SYT1: variants seen among roughly 807,000 people sequenced by gnomAD.
The protein encoded by SYT1 is synaptotagmin-1.
A neutral mutation model predicts 44.8 loss-of-function variants in SYT1; 8 were observed. That is an observed-to-expected ratio of 0.18 (90% CI 0.10 to 0.32). The LOEUF (loss-of-function observed/expected upper bound fraction) is 0.32, where lower values mean the gene tolerates loss of function less well. SYT1 is among the 10% of genes least tolerant of loss of function. The pLI is 1.00. For synonymous variants in SYT1, 154 were observed against 188.8 expected (o/e 0.82, Z 1.51); for missense variants, 286 against 509.3 (o/e 0.56, Z 4.22).
At chr12:79,032,161 G>A (rs1363727305) in intron 2 of SYT1, among the ~76,000 whole-genome samples, 1 of 151,016 alleles carries the variant, frequency 6.6e-6, no homozygotes. Context: ...TTGGGAAAGG[G>A]GACTGATTGT....
chr12:79,179,507 A>C (rs1325390698), intron 3 of SYT1, among the ~76,000 whole-genome samples: 1 of 105,384 alleles, frequency 9.5e-6, no homozygotes, highest in East Asian at 2.6e-4. Context: ...ATAGATATAG[A>C]TATAGATATA....
At chr12:79,036,742 T>A (rs1873160015) in intron 2 of SYT1, among the ~76,000 whole-genome samples, 1 of 151,876 alleles carries the variant, frequency 6.6e-6, no homozygotes, top group African/African-American at 2.4e-5. Flanking sequence ...AATCAGTGCA[T>A]TGATCCTTTA....
intron 10 of SYT1, among the ~76,000 whole-genome samples, chr12:79,446,897 C>T (rs1249248732): frequency 6.6e-6 from 1 of 152,164 alleles, no homozygotes; most frequent in East Asian, 1.9e-4. Flanking sequence ...CACCTCCTGG[C>T]ATTTAATTTT....
chr12:79,242,690 CTT>C (rs1876583520), intron 4 of SYT1, among the ~76,000 whole-genome samples: 1 of 152,178 alleles, frequency 6.6e-6, no homozygotes, highest in Admixed American at 6.5e-5. Flanking sequence ...GGATTCAAAA[CTT>C]AGCCAAAACT....
At position 78,931,243 on chromosome 12, in the gene SYT1, G is replaced by A. The variant is rs1176296301; in HGVS notation, c.-216-46556G>A. 8.9e-3 allele frequency among the ~76,000 whole-genome samples: 264 copies of A among 29,638 alleles called. 8 individuals carry two copies. Among genetic ancestry groups the A allele is most frequent in the African/African-American group, 0.022 (152 of 6,942 alleles). The allele number at this position is 29,638 out of a possible 152,430, so 19.4% of individuals were successfully genotyped here. A position where few individuals can be genotyped will look rare whatever the true frequency, so the allele number is the denominator to read the frequency against. ...AGAAAGAAAGAAAGAAAGAAAGAAG[G>A]AAGGAAGGAAGGAAGGAAGGAAGGA... is the stretch of plus-strand genomic sequence containing the variant. On this transcript the variant is annotated intron_variant, in intron 1 of 10. Coordinates refer to ENST00000261205, the MANE Select transcript of SYT1 (RefSeq NM_005639.3).
rs113167400 is a variant in SYT1, at chr12:79,349,773, T to C, written c.811-3729T>C. On this transcript the variant is annotated intron_variant, in intron 8 of 10. Transcript: ENST00000261205. ...TAGAAAATCTTGGTTTCTAGAACTT[T>C]AGAGTGATAAATAAAATATTTATAT... 3.2e-3 allele frequency among the ~76,000 whole-genome samples: 484 copies of C among 152,252 alleles called. 4 individuals carry two copies. The highest frequency in any genetic ancestry group is 9.8e-3 in the African/African-American group (407 of 41,554).
rs555134168 is a variant in SYT1 at position 79,316,790 on chromosome 12, T to A, written c.810+17239T>A. On this transcript the variant is annotated intron_variant, in intron 8 of 10. Transcript: ENST00000261205. The stretch of plus-strand genomic sequence containing the variant: ...TAAAAAGATGCCTTGTTTACCTGTT[T>A]CGTTGTCTCGATAGGTAGAACATAA... 1.6e-4 allele frequency among the ~76,000 whole-genome samples: 24 copies of A among 152,338 alleles called. 2 individuals are homozygous for A. The Middle Eastern group carries it at 0.014, about 86-fold the overall frequency.
intron 1 of SYT1, among the ~76,000 whole-genome samples, chr12:78,886,178 C>T (rs1874738575): frequency 6.6e-6 from 1 of 151,792 alleles, no homozygotes; most frequent in Non-Finnish European, 1.5e-5. Flanking sequence ...AGGAAAATAG[C>T]AGAAAAATAT....
intron 8 of SYT1, among the ~76,000 whole-genome samples, chr12:79,331,490 T>A (rs1189812019): frequency 6.6e-6 from 1 of 152,182 alleles, no homozygotes; most frequent in Non-Finnish European, 1.5e-5. Context: ...GTTGAAAGAC[T>A]TTTTAGGACA....
chr12:79,018,714 C>G (rs1484777929), intron 2 of SYT1, among the ~76,000 whole-genome samples: 2 of 151,976 alleles, frequency 1.3e-5, no homozygotes, highest in African/African-American at 4.8e-5. Context: ...AGAAAAGTTG[C>G]TCCTTATGGG....
intron 9 of SYT1, among the ~76,000 whole-genome samples, chr12:79,415,328 A>G (rs1868665367): frequency 6.6e-6 from 1 of 152,136 alleles, no homozygotes; most frequent in Non-Finnish European, 1.5e-5. Flanking sequence ...TTACTTTTTC[A>G]TGTAACTGCT....
chr12:79,378,395 C>G (rs963580180), intron 9 of SYT1, among the ~76,000 whole-genome samples: 1 of 152,176 alleles, frequency 6.6e-6, no homozygotes, highest in Admixed American at 6.5e-5. Context: ...AGAGAACAGT[C>G]CACTGGAAAC....
At chr12:78,933,824 A>G (rs1315029965) in intron 1 of SYT1, among the ~76,000 whole-genome samples, 1 of 152,126 alleles carries the variant, frequency 6.6e-6, no homozygotes, top group African/African-American at 2.4e-5. Flanking sequence ...AGTGAGAGAA[A>G]AGTGAAAGAG....
chr12:78,973,939 ATATATATATATATATATATAT>A (rs1156954451), intron 1 of SYT1, among the ~76,000 whole-genome samples: 124 of 11,408 alleles, frequency 0.011, 22 homozygotes, highest in Non-Finnish European at 0.014. Context: ...AAAAAAAAAA[ATATATATATATATATATATAT>A]ATATATATAT....
chr12:79,349,029 AAGAAAAAGAAAG>A (rs1376761381), intron 8 of SYT1, among the ~76,000 whole-genome samples: 2 of 127,980 alleles, frequency 1.6e-5, no homozygotes, highest in Admixed American at 8.0e-5. Flanking sequence ...GAAAGAAAGA[AAGAAAAAGAAAG>A]AAAGAAAGAA....
At chr12:79,340,986 A>G (rs959633340) in intron 8 of SYT1, among the ~76,000 whole-genome samples, 3 of 152,142 alleles carry the variant, frequency 2.0e-5, no homozygotes, top group Non-Finnish European at 4.4e-5. Flanking sequence ...CTACAATTTT[A>G]TGTTGAATTT....
intron 3 of SYT1, among the ~76,000 whole-genome samples, chr12:79,078,869 C>A (rs1876841945): frequency 6.6e-6 from 1 of 152,100 alleles, no homozygotes; most frequent in African/African-American, 2.4e-5. Flanking sequence ...CTGTTTGCCC[C>A]TGGATGCAAA....
intron 4 of SYT1, among the ~76,000 whole-genome samples, chr12:79,275,934 G>C (rs1049895785): frequency 2.6e-5 from 4 of 152,158 alleles, no homozygotes; most frequent in Non-Finnish European, 5.9e-5. Context: ...AGCAGCATGT[G>C]AGAAAGTCAT....
intron 9 of SYT1, chr12:79,393,273 A>C (rs1884741112): frequency 6.6e-6 from 1 of 152,198 alleles, no homozygotes; most frequent in African/African-American, 2.4e-5. Context: ...ATACGTGTGC[A>C]TGTGTCTTTG....
Sources: allele counts gnomAD v4.1 joint callset (sites outside exome capture counted in the v4.1 genomes callset), GRCh38; gene constraint gnomAD v4.1.1; transcripts MANE v1.5; gene names NCBI Gene and HGNC (gene_info 2026-07-23, HGNC 2026-07-21).